PSMB1: variants seen among roughly 807,000 people sequenced by gnomAD.
The protein encoded by PSMB1 is proteasome 20S subunit beta 1, also known as proteasome subunit beta type-1.
A neutral mutation model predicts 25.4 loss-of-function variants in PSMB1; 7 were observed. That is an observed-to-expected ratio of 0.28 (90% CI 0.16 to 0.52). The LOEUF (loss-of-function observed/expected upper bound fraction) is 0.52. Ranked by LOEUF, PSMB1 falls within the 20% of genes least tolerant of loss-of-function variation. The probability of loss-of-function intolerance (pLI) is 0.97; values close to 1 mark genes in which losing one functional copy is unlikely to be tolerated. For synonymous variants in PSMB1, 119 were observed against 115.0 expected (o/e 1.03, Z -0.22); for missense variants, 284 against 302.2 (o/e 0.94, Z 0.45).
At chr6:170,539,055 G>A (rs1415513106) in intron 4 of PSMB1, among the ~76,000 whole-genome samples, 1 of 152,102 alleles carries the variant, frequency 6.6e-6, no homozygotes, top group Non-Finnish European at 1.5e-5. Flanking sequence ...CCTAGAAGAA[G>A]CAAGAGAGAC....
At chr6:170,551,230 C>T (rs1778897229) in intron 1 of PSMB1, among the ~76,000 whole-genome samples, 1 of 152,090 alleles carries the variant, frequency 6.6e-6, no homozygotes. Flanking sequence ...GCCCTGAGAG[C>T]AGAAAAACCA....
intron 4 of PSMB1, among the ~76,000 whole-genome samples, chr6:170,541,041 C>T (rs1295464173): frequency 6.6e-6 from 1 of 151,936 alleles, no homozygotes; most frequent in Admixed American, 6.6e-5. Context: ...AAGAAAAGAT[C>T]CTAAAAGCAA....
chr6:170,551,645 C>T (rs755915181), intron 1 of PSMB1, among the ~76,000 whole-genome samples: 30 of 152,264 alleles, frequency 2.0e-4, no homozygotes, highest in Middle Eastern at 6.8e-3. Flanking sequence ...ATAACCCTCC[C>T]TACAATATAC....
At chr6:170,545,638 T>C (rs1778808298) in intron 3 of PSMB1, among the ~76,000 whole-genome samples, 2 of 152,306 alleles carry the variant, frequency 1.3e-5, no homozygotes, top group Admixed American at 1.3e-4. Flanking sequence ...GTGCCTCCCA[T>C]CCAAGCTCCC....
chr6:170,537,195 G>A (rs763069736), intron 5 of PSMB1, 39 bp downstream of exon 5: 61 of 1,497,220 alleles, frequency 4.1e-5, no homozygotes, highest in Non-Finnish European at 5.7e-5. Flanking sequence ...ACCATGACAA[G>A]TTGGACATAG....
At chr6:170,545,144 CA>C (rs373077081) in intron 3 of PSMB1, among the ~76,000 whole-genome samples, 3,180 of 128,148 alleles carry the variant, frequency 0.025, 88 homozygotes, top group African/African-American at 0.076. Flanking sequence ...AACTCTGTCT[CA>C]AAAAAAAAAA....
chr6:170,543,445 C>T (rs1778778808), intron 4 of PSMB1, among the ~76,000 whole-genome samples, 156 bp downstream of exon 4: 1 of 152,152 alleles, frequency 6.6e-6, no homozygotes, highest in Non-Finnish European at 1.5e-5. Context: ...GGAGGTCATA[C>T]ATTAGCTTCA....
rs559418806 is a variant in PSMB1 at position 170,552,694 on chromosome 6, C to A, written c.113+436G>T. Among the ~76,000 whole-genome samples the A allele has an allele frequency of 1.1e-4, 17 of 152,334 alleles. No homozygotes were observed. The South Asian group carries it at 2.9e-3, about 26-fold the overall frequency. On this transcript the variant is annotated intron_variant, in intron 1 of 5. Coordinates refer to ENST00000262193, the MANE Select transcript of PSMB1 (RefSeq NM_002793.4). ...GCATCTAACAACACAGACCAAACAA[C>A]CCTAACTTTTAAGTTTCAGACGCTA...
At chr6:170,548,040 A>C (rs1778843365) in intron 2 of PSMB1, among the ~76,000 whole-genome samples, 1 of 152,198 alleles carries the variant, frequency 6.6e-6, no homozygotes, top group South Asian at 2.1e-4. Context: ...GTCGTCCTTG[A>C]GGAGAAAAAA....
chr6:170,549,775 A>G (rs915338308), intron 1 of PSMB1: 1 of 152,266 alleles, frequency 6.6e-6, no homozygotes, highest in Non-Finnish European at 1.5e-5. Flanking sequence ...ATTTCATCAT[A>G]TATACAACAG....
chr6:170,552,438 T>C (rs978760328), intron 1 of PSMB1, among the ~76,000 whole-genome samples: 6 of 152,014 alleles, frequency 3.9e-5, no homozygotes, highest in African/African-American at 1.5e-4. Flanking sequence ...AAACCAAAAC[T>C]TGAACATAAC....
At chr6:170,552,419 T>C (rs1219731632) in intron 1 of PSMB1, among the ~76,000 whole-genome samples, 2 of 152,062 alleles carry the variant, frequency 1.3e-5, no homozygotes, top group Non-Finnish European at 2.9e-5. Flanking sequence ...AAGCTGGTAA[T>C]TAAAATAAAA....
In PSMB1 at chr6:170,543,585, A is replaced by G. The variant is rs2114978083; in HGVS notation, c.433+16T>C. On this transcript the variant is annotated intron_variant, in intron 4 of 5. Coordinates refer to ENST00000262193, the MANE Select transcript of PSMB1 (RefSeq NM_002793.4). ...ACTCCTCCCCCCCACCATTTTCCAG[A>G]AAGAAGGAATTCTACCTTCTTCATC... is the stretch of plus-strand genomic sequence containing the variant. The G allele has an allele frequency of 6.3e-7, 1 of 1,595,950 alleles. No homozygotes were observed. The highest frequency in any genetic ancestry group is 2.2e-5 in the East Asian group (1 of 44,636).
chr6:170,541,471 A>C (rs1267157311), intron 4 of PSMB1, among the ~76,000 whole-genome samples: 1 of 152,212 alleles, frequency 6.6e-6, no homozygotes, highest in African/African-American at 2.4e-5. Flanking sequence ...AAGAGGACAC[A>C]AAAGAGCTAA....
At chr6:170,545,353 T>C (rs1279106568) in intron 3 of PSMB1, among the ~76,000 whole-genome samples, 1 of 152,162 alleles carries the variant, frequency 6.6e-6, no homozygotes, top group Non-Finnish European at 1.5e-5. Flanking sequence ...AATTATCATA[T>C]AAATATGCCA....
At chr6:170,543,560 A>ACTC in intron 4 of PSMB1, 41 bp downstream of exon 4, 1 of 1,541,810 alleles carries the variant, frequency 6.5e-7, no homozygotes, top group Non-Finnish European at 8.9e-7. Flanking sequence ...GGGAATAATA[A>ACTC]CTCCTCCCCC....
intron 3 of PSMB1, among the ~76,000 whole-genome samples, chr6:170,544,184 C>G (rs1472292672): frequency 6.6e-6 from 1 of 151,444 alleles, no homozygotes; most frequent in East Asian, 2.0e-4. Context: ...TCAAATGAGG[C>G]CCATAAAGCT....
intron 5 of PSMB1, among the ~76,000 whole-genome samples, chr6:170,536,908 G>A (rs1294707647): frequency 6.6e-6 from 1 of 152,016 alleles, no homozygotes; most frequent in Non-Finnish European, 1.5e-5. Flanking sequence ...GGGTAAGAGG[G>A]AAAAAGGCAT....
At chr6:170,550,005 A>G (rs1778871521) in intron 1 of PSMB1, 1 of 152,196 alleles carries the variant, frequency 6.6e-6, no homozygotes, top group Non-Finnish European at 1.5e-5. Flanking sequence ...TCCAAATGCA[A>G]GTTGATGATA....
Sources: allele counts gnomAD v4.1 joint callset (sites outside exome capture counted in the v4.1 genomes callset), GRCh38; gene constraint gnomAD v4.1.1; transcripts MANE v1.5; gene names NCBI Gene and HGNC (gene_info 2026-07-23, HGNC 2026-07-21).